The following DSG1 variants were observed in gnomAD, a reference collection of about 807,000 sequenced individuals.
DSG1 encodes desmoglein 1.
In DSG1, 39 loss-of-function variants were observed where a neutral mutation model predicts 97.5. The ratio of observed to expected loss-of-function variants is 0.40; its 90% CI spans 0.31 to 0.52. DSG1 has a LOEUF of 0.52. Ranked by LOEUF, DSG1 falls within the 20% of genes least tolerant of loss-of-function variation. The probability of loss-of-function intolerance (pLI) is 0.53; values close to 1 mark genes in which losing one functional copy is unlikely to be tolerated. For synonymous variants in DSG1, 475 were observed against 443.4 expected (o/e 1.07, Z -0.90); for missense variants, 1,311 against 1,295.4 (o/e 1.01, Z -0.18).
intron 4 of DSG1, among the ~76,000 whole-genome samples, chr18:31,329,688 A>C (rs2071708765): frequency 6.6e-6 from 1 of 152,046 alleles, no homozygotes; most frequent in African/African-American, 2.4e-5. Context: ...TAATCATAAT[A>C]ATAATATAAA....
rs1203362356 is a variant in DSG1, at chr18:31,339,941, G to A, written c.1603G>A (p.Gly535Arg). 3 of 1,613,884 alleles carry A rather than the reference G, an allele frequency of 1.9e-6. No homozygotes were observed. The highest frequency in any genetic ancestry group is 2.2e-5 in the East Asian group (1 of 44,864). Residue 535 changes from glycine (G) to arginine (R), a missense_variant, in exon 11 of 15, where the codon GGA becomes AGA. Physicochemically the swap from Gly to Arg is moderately radical, Grantham distance 125 (BLOSUM62 -2). Coordinates refer to ENST00000257192, the MANE Select transcript of DSG1 (RefSeq NM_001942.4). ...AGTATATTCTTCTGAACCCGGAAAC[G>A]GAGCCAAAGATTTGTTATCAGACAA... ...SQVYSSEPGNGAKDLLSDNVH... is the reference protein window; with the variant it reads ...SQVYSSEPGNRAKDLLSDNVH...
chr18:31,327,256 C>G (rs1272311783), intron 3 of DSG1, among the ~76,000 whole-genome samples: 1 of 152,122 alleles, frequency 6.6e-6, no homozygotes, highest in Non-Finnish European at 1.5e-5. Flanking sequence ...TTATCCCAAA[C>G]TCCAGATGAA....
At chr18:31,348,318 A>G (rs1349492766) in intron 14 of DSG1, among the ~76,000 whole-genome samples, 1 of 151,220 alleles carries the variant, frequency 6.6e-6, no homozygotes, top group Non-Finnish European at 1.5e-5. Context: ...TTATGGCTGC[A>G]TAGTATTCCA....
rs202198738 is a variant in DSG1, at chr18:31,354,396, G to A, written c.2200G>A (p.Gly734Ser). ...TGTAGGTTCCCCTGCTGGCTCTGTG[G>A]GTTGTTGTAGCTTCATTGGAGAAGA... ...EGVGSPAGSV[G>S]CCSFIGEDLD... The change falls in exon 15 of 15, where the codon GGT (glycine) becomes AGT (serine). Residue 734 changes from glycine (G) to serine (S), a missense_variant. Transcript: ENST00000257192. 6.2e-7 allele frequency: 1 copy of A among 1,614,190 alleles called. No homozygotes were observed. The highest frequency in any genetic ancestry group is 1.3e-5 in the African/African-American group (1 of 75,038).
chr18:31,344,858 A>G (rs1045295188), intron 13 of DSG1, among the ~76,000 whole-genome samples: 4 of 152,190 alleles, frequency 2.6e-5, no homozygotes, highest in Non-Finnish European at 5.9e-5. Context: ...TTTTTCTCAT[A>G]GTCTTTTTAA....
Position 31,357,783 on chromosome 18 carries a change from T to A in DSG1, c.*2437T>A, listed in dbSNP as rs2071971821. On this transcript the variant is annotated 3_prime_UTR_variant, in exon 15 of 15. Coordinates refer to ENST00000257192, the MANE Select transcript of DSG1 (RefSeq NM_001942.4). ...CAAACTTTTCTTCCAGGATTGCAAA[T>A]TGATGGGAAAAACAAGAAAAACTGA... Among the ~76,000 whole-genome samples, 1 of 151,950 alleles carries A rather than the reference T, an allele frequency of 6.6e-6. No individual in the cohort carries two copies. Among genetic ancestry groups the A allele is most frequent in the African/African-American group, 2.4e-5 (1 of 41,408 alleles).
chr18:31,353,560 T>A (rs551178522), intron 14 of DSG1, among the ~76,000 whole-genome samples: 5 of 151,982 alleles, frequency 3.3e-5, no homozygotes, highest in African/African-American at 1.2e-4. Flanking sequence ...CGGGCGCCCC[T>A]CCCCCAGCCT....
At position 31,338,406 on chromosome 18, in the gene DSG1, T is replaced by C; in HGVS notation, c.1357T>C (p.Tyr453His). ...GAAAAATAAAGTTACCAAGGAACAG[T>C]ACAATATGCTCGGAGGAAAATACCA... ...TLKNKVTKEQ[Y>H]NMLGGKYQGT... is the part of the protein sequence containing the mutation. Residue 453 changes from tyrosine to histidine, a missense_variant, in exon 10 of 15, where the codon TAC (tyrosine) becomes CAC (histidine). Tyr to His is a moderately conservative substitution (Grantham distance 83). Transcript: ENST00000257192. 1 of 1,613,712 alleles carries C rather than the reference T, an allele frequency of 6.2e-7. No individual in the cohort carries two copies. Among genetic ancestry groups the C allele is most frequent in the Non-Finnish European group, 8.5e-7 (1 of 1,179,716 alleles).
intron 8 of DSG1, among the ~76,000 whole-genome samples, chr18:31,334,711 C>T (rs2071741312): frequency 6.6e-6 from 1 of 152,114 alleles, no homozygotes; most frequent in Non-Finnish European, 1.5e-5. Flanking sequence ...CTCACTGTGG[C>T]TGCTGATCAA....
In DSG1 at chr18:31,354,371, T is replaced by C. The variant is rs2144126482; in HGVS notation, c.2175T>C (p.Gly725=). 1 of 1,614,208 alleles carries C rather than the reference T, an allele frequency of 6.2e-7. No homozygotes were observed. The highest frequency in any genetic ancestry group is 2.2e-5 in the East Asian group (1 of 44,888). ...NDCLLIYDIE[G]VGSPAGSVGC... Reference sequence around the variant, plus strand: ...GTTTGCTCATATATGACATCGAAGGTGTAGGTTCCCCTGCTGGCTCTGTGG... The same window carrying C: ...GTTTGCTCATATATGACATCGAAGGCGTAGGTTCCCCTGCTGGCTCTGTGG... Residue 725 remains glycine (G), a synonymous_variant, in exon 15 of 15, where the codon GGT becomes GGC. Transcript: ENST00000257192.
chr18:31,329,822 C>T (rs2071709465), intron 4 of DSG1, 70 bp from the exon 5 acceptor site: 2 of 1,551,812 alleles, frequency 1.3e-6, no homozygotes, highest in African/African-American at 2.7e-5. Context: ...ACAGTGCTAG[C>T]ATAATGCTCA....
chr18:31,343,867 T>G (rs1332030643), intron 12 of DSG1, 59 bp from the exon 13 acceptor site: 3 of 1,397,970 alleles, frequency 2.1e-6, no homozygotes, highest in South Asian at 1.2e-5. Flanking sequence ...AATGTATGAC[T>G]GCAGAAAGAT....
intron 13 of DSG1, among the ~76,000 whole-genome samples, chr18:31,345,782 C>T (rs963515541): frequency 5.3e-5 from 8 of 152,114 alleles, no homozygotes; most frequent in Admixed American, 4.6e-4. Context: ...AGTAATCTCT[C>T]AACAGATAAT....
intron 13 of DSG1, among the ~76,000 whole-genome samples, chr18:31,345,639 TAGTTA>T (rs33940233): frequency 0.47 from 71,316 of 151,584 alleles, 18,433 homozygotes; most frequent in African/African-American, 0.69. Flanking sequence ...CTGGGGCTTC[TAGTTA>T]TACACTGTTT....
intron 1 of DSG1, among the ~76,000 whole-genome samples, chr18:31,323,605 T>A (rs2071667013): frequency 6.6e-6 from 1 of 152,220 alleles, no homozygotes; most frequent in South Asian, 2.1e-4. Context: ...CTAGCTTCTA[T>A]CTTAACTTTC....
chr18:31,339,950 G>A lies in DSG1; in HGVS notation c.1612G>A (p.Asp538Asn), dbSNP rs34302455. 0.083 allele frequency: 133,443 copies of A among 1,613,828 alleles called. 7,163 individuals carry two copies. The highest frequency in any genetic ancestry group is 0.2 in the South Asian group (17,994 of 91,062). Residue 538 changes from aspartate to asparagine, a missense_variant, in exon 11 of 15, where the codon GAT becomes AAT. Asp to Asn is a conservative substitution (Grantham distance 23). Coordinates refer to ENST00000257192, the MANE Select transcript of DSG1 (RefSeq NM_001942.4). ...TTCTGAACCCGGAAACGGAGCCAAA[G>A]ATTTGTTATCAGACAATGTACATTT... ...YSSEPGNGAK[D>N]LLSDNVHFGP...
intron 14 of DSG1, among the ~76,000 whole-genome samples, chr18:31,346,610 A>C (rs539091544): frequency 6.6e-6 from 1 of 152,140 alleles, no homozygotes; most frequent in Non-Finnish European, 1.5e-5. Context: ...GCATCCCACT[A>C]TGTCTCTCAC....
chr18:31,338,904 A>G (rs993025697), intron 10 of DSG1, among the ~76,000 whole-genome samples: 1 of 152,176 alleles, frequency 6.6e-6, no homozygotes, highest in African/African-American at 2.4e-5. Flanking sequence ...GAATGTTTTT[A>G]TTCATTTATT....
intron 14 of DSG1, among the ~76,000 whole-genome samples, chr18:31,352,576 G>C (rs1358144500): frequency 6.7e-6 from 1 of 149,886 alleles, no homozygotes; most frequent in South Asian, 2.1e-4. Context: ...TTCCAACTTG[G>C]TTCCATTCTC....
Sources: gnomAD v4.1 joint callset for allele counts (sites outside exome capture counted in the v4.1 genomes callset) on GRCh38, gnomAD v4.1.1 for gene constraint, MANE v1.5 for transcripts, NCBI Gene and HGNC (gene_info 2026-07-23, HGNC 2026-07-21) for gene names.